The following HCRTR2 variants were observed in gnomAD, a reference collection of about 807,000 sequenced individuals.
HCRTR2 encodes the protein orexin receptor type 2.
HCRTR2 carries 22 observed loss-of-function variants against 49.0 expected under a neutral mutation model. The ratio of observed to expected loss-of-function variants is 0.45; its 90% confidence interval spans 0.32 to 0.64. The LOEUF (loss-of-function observed/expected upper bound fraction) is 0.64. Among genes scored for constraint, HCRTR2 ranks in the 30% least tolerant of loss-of-function variants. The pLI, the probability that HCRTR2 is intolerant of heterozygous loss-of-function variation, is 0.04. For missense variants in HCRTR2, 491 were observed against 559.4 expected (o/e 0.88, Z 1.23); for synonymous variants, 236 against 205.3 (o/e 1.15, Z -1.28).
At chr6:55,168,759 T>C (rs1581804581) in intron 1 of HCRTR2, among the ~76,000 whole-genome samples, 1 of 151,890 alleles carries the variant, frequency 6.6e-6, no homozygotes, top group Non-Finnish European at 1.5e-5. Flanking sequence ...TTCATAGAAA[T>C]AGTGTCTCAC....
intron 1 of HCRTR2, among the ~76,000 whole-genome samples, chr6:55,219,680 A>G (rs1399964807): frequency 6.6e-6 from 1 of 152,012 alleles, no homozygotes; most frequent in Non-Finnish European, 1.5e-5. Context: ...GCCTAATGTT[A>G]GCAAAGAAAG....
At chr6:55,199,103 TC>T (rs1332017321) in intron 1 of HCRTR2, among the ~76,000 whole-genome samples, 1 of 152,110 alleles carries the variant, frequency 6.6e-6, no homozygotes, top group Admixed American at 6.5e-5. Context: ...TTAAGGGGGT[TC>T]TCTGAAAGGA....
At chr6:55,271,104 T>C (rs2653345) in intron 4 of HCRTR2, among the ~76,000 whole-genome samples, 2,954 of 152,104 alleles carry the variant, frequency 0.019, 89 homozygotes, top group African/African-American at 0.066. Flanking sequence ...CAAAATAATC[T>C]TGAAAAAGAA....
At chr6:55,238,796 C>T (rs1298954584) in intron 1 of HCRTR2, among the ~76,000 whole-genome samples, 2 of 151,998 alleles carry the variant, frequency 1.3e-5, no homozygotes, top group East Asian at 1.9e-4. Flanking sequence ...AATGAAAGAA[C>T]AAAAGACAAG....
intron 1 of HCRTR2, among the ~76,000 whole-genome samples, chr6:55,143,653 A>G (rs189722684): frequency 1.3e-5 from 2 of 152,308 alleles, no homozygotes; most frequent in Admixed American, 1.3e-4. Context: ...CATTATGCCA[A>G]CTCTTTCCAA....
chr6:55,146,323 C>T (rs1764580284), intron 1 of HCRTR2, among the ~76,000 whole-genome samples: 1 of 152,080 alleles, frequency 6.6e-6, no homozygotes, highest in South Asian at 2.1e-4. Flanking sequence ...AGTAATAATT[C>T]ATTTGTATAG....
intron 1 of HCRTR2, among the ~76,000 whole-genome samples, chr6:55,202,417 G>T (rs541053444): frequency 3.3e-5 from 5 of 152,276 alleles, no homozygotes; most frequent in African/African-American, 1.2e-4. Context: ...CTAAATCCTA[G>T]TCTTCATTAT....
Position 55,280,356 on chromosome 6 carries a change from A to G in HCRTR2, c.1017A>G (p.Arg339=), listed in dbSNP as rs1463327026. 6.2e-7 allele frequency: 1 copy of G among 1,611,638 alleles called. No homozygotes were observed. The change falls in exon 6 of 7, where the codon AGA becomes AGG. Residue 339 remains arginine, a synonymous_variant. Coordinates refer to ENST00000370862, the MANE Select transcript of HCRTR2 (RefSeq NM_001384272.1). ...GGATGTTTGCCCATACTGAAGACAG[A>G]GAGACTGTGTATGCCTGGTTTACCT... ...VFGMFAHTED[R]ETVYAWFTFS...
chr6:55,192,422 C>T (rs1437001561), intron 1 of HCRTR2, among the ~76,000 whole-genome samples: 2 of 150,852 alleles, frequency 1.3e-5, no homozygotes, highest in Non-Finnish European at 2.9e-5. Context: ...CGCACACACA[C>T]ACACACACAC....
At chr6:55,264,560 T>C (rs1395981500) in intron 4 of HCRTR2, among the ~76,000 whole-genome samples, 2 of 152,048 alleles carry the variant, frequency 1.3e-5, no homozygotes, top group Admixed American at 1.3e-4. Flanking sequence ...ACTTTAAATA[T>C]AAGCACAGAG....
intron 2 of HCRTR2, among the ~76,000 whole-genome samples, chr6:55,253,455 T>A (rs1003506347): frequency 6.6e-6 from 1 of 152,150 alleles, no homozygotes; most frequent in South Asian, 2.1e-4. Flanking sequence ...CCACATATTA[T>A]GAGATCAATA....
intron 4 of HCRTR2, among the ~76,000 whole-genome samples, chr6:55,271,650 A>G (rs776640429): frequency 5.9e-5 from 9 of 152,156 alleles, no homozygotes; most frequent in Non-Finnish European, 1.0e-4. Flanking sequence ...AGGAATTTGT[A>G]TCCAGAATAT....
At chr6:55,135,861 C>T (rs1430992428) in intron 1 of HCRTR2, among the ~76,000 whole-genome samples, 26 of 152,092 alleles carry the variant, frequency 1.7e-4, no homozygotes, top group Admixed American at 1.7e-3. Context: ...ACCGCAGTAG[C>T]GTTGCTTATT....
At chr6:55,145,400 T>G (rs866792881) in intron 1 of HCRTR2, among the ~76,000 whole-genome samples, 2 of 124,250 alleles carry the variant, frequency 1.6e-5, no homozygotes, top group Non-Finnish European at 1.6e-5. Context: ...TTTGTTTTTT[T>G]TTTTGTTTTT....
chr6:55,158,936 G>A (rs1764767052), intron 1 of HCRTR2, among the ~76,000 whole-genome samples: 1 of 152,194 alleles, frequency 6.6e-6, no homozygotes, highest in Non-Finnish European at 1.5e-5. Flanking sequence ...GGATCTCCCA[G>A]CACAGCGCTC....
chr6:55,173,546 G>A (rs1300687863), upstream of HCRTR2, among the ~76,000 whole-genome samples: 1 of 152,210 alleles, frequency 6.6e-6, no homozygotes, highest in Non-Finnish European at 1.5e-5. Flanking sequence ...AATGGCAGGT[G>A]ACATCAGCCC....
At chr6:55,176,878 A>G (rs931152484) in intron 1 of HCRTR2, among the ~76,000 whole-genome samples, 3 of 152,110 alleles carry the variant, frequency 2.0e-5, no homozygotes, top group African/African-American at 7.2e-5. Context: ...TTCACCAAAA[A>G]CCTTTCCAGA....
intron 1 of HCRTR2, among the ~76,000 whole-genome samples, chr6:55,158,842 C>T (rs1355760601): frequency 2.0e-5 from 3 of 152,226 alleles, no homozygotes; most frequent in Non-Finnish European, 4.4e-5. Flanking sequence ...CTCCCTGGGA[C>T]AGGGCACCTG....
chr6:55,259,313 A>T (rs62416824), intron 3 of HCRTR2, among the ~76,000 whole-genome samples: 26,276 of 152,026 alleles, frequency 0.17, 2,762 homozygotes, highest in Non-Finnish European at 0.24. Flanking sequence ...TATGTGTATA[A>T]GTCTATTAAT....
Sources: allele counts gnomAD v4.1 joint callset (sites outside exome capture counted in the v4.1 genomes callset), GRCh38; gene constraint gnomAD v4.1.1; transcripts MANE v1.5; gene names NCBI Gene and HGNC (gene_info 2026-07-23, HGNC 2026-07-21).